CDH12: variants seen among roughly 807,000 people sequenced by gnomAD.
CDH12 encodes the protein cadherin 12.
Under a neutral mutation model 74.1 loss-of-function variants are expected in CDH12, and 41 were observed. That is an observed-to-expected ratio of 0.55 (90% CI 0.43 to 0.72). CDH12 has a LOEUF of 0.72. CDH12 is among the 30% of genes least tolerant of loss of function. The probability of loss-of-function intolerance (pLI) is 0.00; values close to 1 mark genes in which losing one functional copy is unlikely to be tolerated. For synonymous variants in CDH12, 399 were observed against 355.0 expected (o/e 1.12, Z -1.39); for missense variants, 945 against 977.2 (o/e 0.97, Z 0.44).
rs377431103 is a variant in CDH12 at position 22,696,327 on chromosome 5, C to T, written c.-523+156731G>A. ...CGGAGCTTACAGTGAGCCGAGATGG[C>T]GCCACTGCACTCCAGCCTGGGCGAC... On this transcript the variant is annotated intron_variant, in intron 1 of 14. Coordinates refer to ENST00000382254, the MANE Select transcript of CDH12 (RefSeq NM_004061.5). Among the ~76,000 whole-genome samples the T allele has an allele frequency of 3.1e-3, 447 of 143,980 alleles. 3 individuals carry two copies. Among genetic ancestry groups the T allele is most frequent in the South Asian group, 6.7e-3 (31 of 4,598 alleles). 94.5% of individuals were successfully genotyped at this position (143,980 alleles called of 152,430 possible).
chr5:21,809,385 G>A (rs1436878204), intron 9 of CDH12, among the ~76,000 whole-genome samples: 1 of 152,012 alleles, frequency 6.6e-6, no homozygotes, highest in Non-Finnish European at 1.5e-5. Flanking sequence ...TACTATAAAT[G>A]CTGAAATAAA....
intron 5 of CDH12, among the ~76,000 whole-genome samples, chr5:22,049,009 T>C (rs896358361): frequency 2.6e-5 from 4 of 152,242 alleles, no homozygotes; most frequent in Admixed American, 1.3e-4. Flanking sequence ...CATTATAAAG[T>C]ATATAATTTA....
chr5:21,971,826 G>T (rs1270474300), intron 6 of CDH12, among the ~76,000 whole-genome samples: 1 of 152,068 alleles, frequency 6.6e-6, no homozygotes, highest in Admixed American at 6.6e-5. Context: ...ATTTCCGGAG[G>T]TCAGAGTAAA....
At chr5:22,605,261 TC>T (rs1737044523) in intron 1 of CDH12, among the ~76,000 whole-genome samples, 1 of 152,132 alleles carries the variant, frequency 6.6e-6, no homozygotes, top group Non-Finnish European at 1.5e-5. Context: ...GACTTTCCAG[TC>T]TTCTTAATTG....
chr5:22,381,001 T>C (rs1327439298), intron 3 of CDH12, among the ~76,000 whole-genome samples: 2 of 152,090 alleles, frequency 1.3e-5, no homozygotes, highest in Non-Finnish European at 2.9e-5. Context: ...CTGGAGGATA[T>C]GACACTGAGT....
intron 4 of CDH12, among the ~76,000 whole-genome samples, chr5:22,168,690 T>G (rs1384443744): frequency 2.6e-5 from 4 of 151,838 alleles, no homozygotes; most frequent in Non-Finnish European, 5.9e-5. Context: ...CTTTCACATA[T>G]GGACACATAT....
chr5:22,673,211 T>C (rs1021553112), intron 1 of CDH12, among the ~76,000 whole-genome samples: 6 of 152,194 alleles, frequency 3.9e-5, no homozygotes, highest in African/African-American at 1.4e-4. Flanking sequence ...GAACATTTCA[T>C]AGAGTTTGCA....
chr5:22,640,020 C>G (rs1400374951), intron 1 of CDH12, among the ~76,000 whole-genome samples: 1 of 152,038 alleles, frequency 6.6e-6, no homozygotes, highest in East Asian at 1.9e-4. Context: ...GAATAACAAC[C>G]ATATGCAGGG....
At chr5:21,882,434 G>A (rs375120953) in intron 6 of CDH12, among the ~76,000 whole-genome samples, 2 of 152,226 alleles carry the variant, frequency 1.3e-5, no homozygotes, top group African/African-American at 4.8e-5. Context: ...TGGCTGTATT[G>A]CTCTCATAAT....
intron 1 of CDH12, among the ~76,000 whole-genome samples, chr5:22,688,581 G>A (rs1413225543): frequency 1.3e-5 from 2 of 152,068 alleles, no homozygotes; most frequent in South Asian, 2.1e-4. Flanking sequence ...ATACCATCTG[G>A]CAACCTGAGT....
rs544549383 is a variant in CDH12, at chr5:21,937,285, G to A, written c.526+37806C>T. On this transcript the variant is annotated intron_variant, in intron 6 of 14. Coordinates refer to ENST00000382254, the MANE Select transcript of CDH12 (RefSeq NM_004061.5). ...ATTTTACTCTAGGAATTGGGAAAGT[G>A]TTTTAAGAAAGAGAATAGTGTGATT... Among the ~76,000 whole-genome samples the A allele has an allele frequency of 1.8e-4, 27 of 152,266 alleles. No homozygotes were observed. The South Asian group carries it at 5.4e-3, about 30-fold the overall frequency.
chr5:21,999,368 G>C (rs539852091), intron 5 of CDH12, among the ~76,000 whole-genome samples: 1 of 152,080 alleles, frequency 6.6e-6, no homozygotes, highest in East Asian at 1.9e-4. Flanking sequence ...TTCAAAATGT[G>C]GGTCTAAAAG....
intron 4 of CDH12, among the ~76,000 whole-genome samples, chr5:22,162,379 G>T (rs1446539013): frequency 6.6e-6 from 1 of 152,064 alleles, no homozygotes; most frequent in East Asian, 1.9e-4. Flanking sequence ...ACCCTTACTT[G>T]GATCCTGGAG....
At chr5:21,950,757 TTTATTATTATTATTATTATTA>T (rs71609723) in intron 6 of CDH12, among the ~76,000 whole-genome samples, 18 of 137,006 alleles carry the variant, frequency 1.3e-4, no homozygotes, top group African/African-American at 2.1e-4. Context: ...TAAATTTTAT[TTTATTATTATTATTATTATTA>T]TTATTATTAT....
chr5:21,934,947 C>T (rs1033561718), intron 6 of CDH12, among the ~76,000 whole-genome samples: 4 of 152,122 alleles, frequency 2.6e-5, no homozygotes, highest in Non-Finnish European at 5.9e-5. Context: ...CCATCACGCC[C>T]GGCTAATTTT....
intron 4 of CDH12, among the ~76,000 whole-genome samples, chr5:22,095,957 AC>A (rs895701955): frequency 2.6e-4 from 39 of 149,686 alleles, no homozygotes; most frequent in Non-Finnish European, 1.2e-4. Flanking sequence ...CCACACCCCG[AC>A]CTCTTATATC....
rs955070886 is a variant in CDH12, at chr5:22,760,642, G to A, written c.-523+92416C>T. Among the ~76,000 whole-genome samples, 8 of 119,606 alleles carry A rather than the reference G, an allele frequency of 6.7e-5. No homozygotes were observed. In the East Asian group the frequency reaches 1.7e-3, roughly 25 times the overall value. The allele number at this position is 119,606 out of a possible 152,430, so 78.5% of individuals were successfully genotyped here. A position where few individuals can be genotyped will look rare whatever the true frequency, so the allele number is the denominator to read the frequency against. On this transcript the variant is annotated intron_variant, in intron 1 of 14. Coordinates refer to ENST00000382254, the MANE Select transcript of CDH12 (RefSeq NM_004061.5). ...TGCAGTGAGCTGAGATCATGTCATT[G>A]CACTCCAGCCTGGGTGACAGGATAA...
At chr5:22,807,933 G>A (rs1346602857) in intron 1 of CDH12, among the ~76,000 whole-genome samples, 1 of 152,030 alleles carries the variant, frequency 6.6e-6, no homozygotes, top group East Asian at 1.9e-4. Context: ...CATTCAATTT[G>A]TAAACAGAAA....
At chr5:22,801,809 C>G (rs2126419658) in intron 1 of CDH12, among the ~76,000 whole-genome samples, 1 of 151,328 alleles carries the variant, frequency 6.6e-6, no homozygotes, top group Admixed American at 6.6e-5. Context: ...TCTGGTATCA[C>G]TATAGTGTTT....
Sources: allele counts gnomAD v4.1 joint callset (sites outside exome capture counted in the v4.1 genomes callset), GRCh38; gene constraint gnomAD v4.1.1; transcripts MANE v1.5; gene names NCBI Gene and HGNC (gene_info 2026-07-23, HGNC 2026-07-21).